The following CNTNAP5 variants were observed in gnomAD, a reference collection of about 807,000 sequenced individuals.
The protein encoded by CNTNAP5 is contactin-associated protein-like 5.
A neutral mutation model predicts 150.2 loss-of-function variants in CNTNAP5; 72 were observed. The observed-to-expected ratio is 0.48, with a 90% CI of 0.40 to 0.58. The LOEUF is 0.58. Among genes scored for constraint, CNTNAP5 ranks in the 20% least tolerant of loss-of-function variants. CNTNAP5 has a pLI of 0.00. For missense variants in CNTNAP5, 1,636 were observed against 1,626.2 expected, an observed-to-expected ratio of 1.01 and a Z score of -0.10; for synonymous variants, 672 against 619.8, an observed-to-expected ratio of 1.08 and a Z score of -1.25.
intron 2 of CNTNAP5, among the ~76,000 whole-genome samples, chr2:124,229,895 G>A (rs955923453): frequency 6.7e-6 from 1 of 149,606 alleles, no homozygotes; most frequent in African/African-American, 2.5e-5. Flanking sequence ...TCTATTGCAT[G>A]TTTTTTTTTT....
At chr2:124,277,285 T>C (rs553780861) in intron 3 of CNTNAP5, among the ~76,000 whole-genome samples, 233 of 152,308 alleles carry the variant, frequency 1.5e-3, no homozygotes, top group Middle Eastern at 3.4e-3. Flanking sequence ...ATTTTCCTTA[T>C]ACCTGAAGGG....
chr2:124,274,125 C>A (rs1687826009), intron 3 of CNTNAP5, among the ~76,000 whole-genome samples: 1 of 152,106 alleles, frequency 6.6e-6, no homozygotes, highest in African/African-American at 2.4e-5. Context: ...TATCAGTTAG[C>A]TTGCTGTTTT....
At chr2:124,619,674 C>A (rs1677567435) in intron 12 of CNTNAP5, among the ~76,000 whole-genome samples, 1 of 151,602 alleles carries the variant, frequency 6.6e-6, no homozygotes, top group Non-Finnish European at 1.5e-5. Flanking sequence ...AGAACAAACA[C>A]TAACCTCTCC....
chr2:124,893,165 G>T (rs1485991422), intron 21 of CNTNAP5, among the ~76,000 whole-genome samples: 3 of 152,090 alleles, frequency 2.0e-5, no homozygotes, highest in African/African-American at 7.2e-5. Flanking sequence ...GTTCACAGAG[G>T]CTGGGTTCAA....
chr2:124,168,951 C>G (rs765665425), intron 1 of CNTNAP5, among the ~76,000 whole-genome samples: 2 of 152,166 alleles, frequency 1.3e-5, no homozygotes, highest in Non-Finnish European at 2.9e-5. Context: ...ACATAGCACA[C>G]CTGACAGCCA....
chr2:124,364,732 A>C (rs769329916), intron 3 of CNTNAP5, among the ~76,000 whole-genome samples: 1 of 152,250 alleles, frequency 6.6e-6, no homozygotes, highest in East Asian at 1.9e-4. Context: ...CTTACAATAC[A>C]TTGGATTCAG....
chr2:124,584,420 A>C (rs950059784), intron 11 of CNTNAP5, among the ~76,000 whole-genome samples: 20 of 152,170 alleles, frequency 1.3e-4, no homozygotes, highest in Admixed American at 2.6e-4. Context: ...TTTAATCTGG[A>C]AATGGGTATC....
At chr2:124,319,448 C>T (rs1689047416) in intron 3 of CNTNAP5, among the ~76,000 whole-genome samples, 1 of 152,184 alleles carries the variant, frequency 6.6e-6, no homozygotes, top group Non-Finnish European at 1.5e-5. Context: ...CAAACTGGCA[C>T]AGTTGAAAAT....
intron 3 of CNTNAP5, among the ~76,000 whole-genome samples, chr2:124,328,961 A>G (rs1689284568): frequency 6.6e-6 from 1 of 152,180 alleles, no homozygotes; most frequent in South Asian, 2.1e-4. Flanking sequence ...ATGAAATAGG[A>G]GACTGAAAGA....
chr2:124,610,401 C>T (rs1186671361), intron 12 of CNTNAP5, among the ~76,000 whole-genome samples: 1 of 152,166 alleles, frequency 6.6e-6, no homozygotes, highest in African/African-American at 2.4e-5. Context: ...ACCCCCAGAG[C>T]TGTGAGAATT....
At chr2:124,339,526 T>C (rs1689557521) in intron 3 of CNTNAP5, among the ~76,000 whole-genome samples, 1 of 152,188 alleles carries the variant, frequency 6.6e-6, no homozygotes, top group African/African-American at 2.4e-5. Flanking sequence ...TTCCTTCCCC[T>C]CTGAAGTTTT....
chr2:124,372,339 TG>T (rs1690548082), intron 3 of CNTNAP5, among the ~76,000 whole-genome samples: 2 of 152,226 alleles, frequency 1.3e-5, no homozygotes, highest in Non-Finnish European at 2.9e-5. Context: ...CAGCTTTTTT[TG>T]TTCTCCAGCT....
intron 3 of CNTNAP5, among the ~76,000 whole-genome samples, chr2:124,292,376 T>G (rs931733969): frequency 9.2e-5 from 14 of 152,148 alleles, no homozygotes; most frequent in Non-Finnish European, 1.9e-4. Context: ...TATTGAAGAT[T>G]ATTCCTACAA....
intron 1 of CNTNAP5, among the ~76,000 whole-genome samples, chr2:124,106,461 C>T (rs1683174692): frequency 6.6e-6 from 1 of 152,012 alleles, no homozygotes; most frequent in Admixed American, 6.6e-5. Flanking sequence ...CATTAATGGC[C>T]AATGAACTGA....
intron 3 of CNTNAP5, among the ~76,000 whole-genome samples, chr2:124,329,436 G>T (rs1263629997): frequency 1.3e-5 from 2 of 152,144 alleles, no homozygotes; most frequent in African/African-American, 4.8e-5. Context: ...GAAGGTGGGG[G>T]TTGAGAAATA....
In CNTNAP5 at chr2:124,842,022, T is replaced by C. The variant is rs182895162; in HGVS notation, c.3218-23284T>C. Among the ~76,000 whole-genome samples, 396 of 152,286 alleles carry C rather than the reference T, an allele frequency of 2.6e-3. 2 individuals carry two copies. Among genetic ancestry groups the C allele is most frequent in the African/African-American group, 8.1e-3 (337 of 41,572 alleles). On this transcript the variant is annotated intron_variant, in intron 19 of 23. Coordinates refer to ENST00000682447, the MANE Select transcript of CNTNAP5 (RefSeq NM_001367498.1). ...GTTCCAAATATTAAAAAGTTTTAAG[T>C]GTCATGCTCAAAAGCATCTATATTT...
chr2:124,124,840 A>G lies in CNTNAP5; in HGVS notation c.83-96865A>G, dbSNP rs991663779. Among the ~76,000 whole-genome samples, 3 of 152,204 alleles carry G rather than the reference A, an allele frequency of 2.0e-5. No homozygotes were observed. In the East Asian group the frequency reaches 5.8e-4, roughly 29 times the overall value. On this transcript the variant is annotated intron_variant, in intron 1 of 23. Transcript: ENST00000682447. ...GCTTCACAAGTGGAGGAGAAATAAA[A>G]TCCTTTACAGACAAACAAATGCTGA...
At chr2:124,800,544 C>T (rs555099356) in intron 19 of CNTNAP5, among the ~76,000 whole-genome samples, 3 of 152,308 alleles carry the variant, frequency 2.0e-5, no homozygotes, top group Non-Finnish European at 1.5e-5. Flanking sequence ...CCCTCCCTTC[C>T]TCAGTCTGGT....
chr2:124,300,536 T>A (rs1688548547), intron 3 of CNTNAP5, among the ~76,000 whole-genome samples: 1 of 152,098 alleles, frequency 6.6e-6, no homozygotes, highest in African/African-American at 2.4e-5. Context: ...AGCGTAAGAA[T>A]CCTTGGTACG....
Sources: allele counts gnomAD v4.1 joint callset (sites outside exome capture counted in the v4.1 genomes callset), GRCh38; gene constraint gnomAD v4.1.1; transcripts MANE v1.5; gene names NCBI Gene and HGNC (gene_info 2026-07-23, HGNC 2026-07-21).